Variants in TUT7 observed in about 807,000 individuals in gnomAD.
The protein encoded by TUT7 is terminal uridylyltransferase 7.
TUT7 carries 33 observed loss-of-function variants against 165.9 expected under a neutral mutation model. That is an observed-to-expected ratio of 0.20 (90% confidence interval 0.15 to 0.27). The LOEUF (loss-of-function observed/expected upper bound fraction) is 0.27. TUT7 is among the 10% of genes least tolerant of loss of function. The pLI is 1.00. For missense variants in TUT7, 1,338 were observed against 1,762.3 expected, an observed-to-expected ratio of 0.76 and a Z score of 4.31; for synonymous variants, 552 against 608.1, an observed-to-expected ratio of 0.91 and a Z score of 1.36.
At chr9:86,345,905 T>C (rs1831714428) in intron 3 of TUT7, 120 bp from the exon 4 acceptor site, 6 of 741,772 alleles carry the variant, frequency 8.1e-6, no homozygotes, top group Non-Finnish European at 1.3e-5. Context: ...GACAGGAGTC[T>C]CACTATGTTG....
In TUT7 at chr9:86,323,403, A is replaced by C; in HGVS notation, c.2347T>G (p.Ser783Ala). The change falls in exon 13 of 27, where the codon TCA (serine) becomes GCA (alanine). Residue 783 changes from serine to alanine, a missense_variant. This residue lies in a region of TUT7 where 425 missense variants were observed against 474.9 expected (regional missense o/e 0.89). Transcript: ENST00000375963. ...VVCGSTRNNE[S>A]ESTLDLEGFQ... ...CCTTCTAAATCCAAAGTGCTCTCTG[A>C]CTCATTATTACGTGTGCTGCCACAG... 6.2e-7 allele frequency: 1 copy of C among 1,614,042 alleles called. No homozygotes were observed. The highest frequency in any genetic ancestry group is 8.5e-7 in the Non-Finnish European group (1 of 1,179,992).
intron 7 of TUT7, among the ~76,000 whole-genome samples, chr9:86,340,574 A>T (rs1287722333): frequency 6.6e-6 from 1 of 152,242 alleles, no homozygotes; most frequent in Admixed American, 6.5e-5. Context: ...CAAGCTGGAC[A>T]TTGTATTAGA....
chr9:86,353,789 C>A (rs1490154904), intron 1 of TUT7, among the ~76,000 whole-genome samples: 1 of 152,166 alleles, frequency 6.6e-6, no homozygotes, highest in Non-Finnish European at 1.5e-5. Context: ...GGCTTCCGAC[C>A]AAGGTGCAGC....
chr9:86,291,801 T>C (rs1285691043), intron 26 of TUT7, among the ~76,000 whole-genome samples: 1 of 152,148 alleles, frequency 6.6e-6, no homozygotes, highest in African/African-American at 2.4e-5. Context: ...AGAATCTAAC[T>C]AAAATGCACA....
Position 86,345,736 on chromosome 9 carries a change from A to G in TUT7, c.752T>C (p.Val251Ala), listed in dbSNP as rs755077966. Residue 251 changes from valine to alanine, a missense_variant, in exon 4 of 27, where the codon GTT (valine) becomes GCT (alanine). Physicochemically the swap from Val to Ala is moderately conservative, Grantham distance 64 (BLOSUM62 0). Coordinates refer to ENST00000375963, the MANE Select transcript of TUT7 (RefSeq NM_024617.4). Reference sequence around the variant, plus strand: ...GGCAAATGCAATGGATTCAATTAAAACATCACAGAGTCTGCAGGTGTACTT... The same window carrying G: ...GGCAAATGCAATGGATTCAATTAAAGCATCACAGAGTCTGCAGGTGTACTT... ...TAKYTCRLCD[V>A]LIESIAFAHK... The G allele has an allele frequency of 1.2e-6, 2 of 1,613,742 alleles. No homozygotes were observed.
At chr9:86,317,075 G>A (rs1007523772) in intron 17 of TUT7, 144 bp downstream of exon 17, 1 of 638,686 alleles carries the variant, frequency 1.6e-6, no homozygotes, top group Non-Finnish European at 2.7e-6. Context: ...GAGCATCTAA[G>A]GATTTTTTTT....
At position 86,353,153 on chromosome 9, in the gene TUT7, C is replaced by T. The variant is rs753161080; in HGVS notation, c.47G>A (p.Arg16Gln). ...GAAGTCATCATCATCCATAGTCCCC[C>T]GGTCTTTAGTGCGCTTCACGAAATA... ...KPYFVKRTKD[R>Q]GTMDDDDFRR... Residue 16 changes from arginine (R) to glutamine (Q), a missense_variant, in exon 2 of 27, where the codon CGG becomes CAG. By Grantham distance (43) the Arg-to-Gln change is conservative. Around this residue, in one of 7 missense-constraint regions of TUT7, gnomAD observed 434 missense variants for 480.8 expected, o/e 0.90. Coordinates refer to ENST00000375963, the MANE Select transcript of TUT7 (RefSeq NM_024617.4). The T allele has an allele frequency of 1.6e-5, 26 of 1,606,160 alleles. No homozygotes were observed. Among genetic ancestry groups the T allele is most frequent in the Non-Finnish European group, 2.0e-5 (24 of 1,177,884 alleles).
intron 22 of TUT7, among the ~76,000 whole-genome samples, chr9:86,306,712 A>G (rs1827524941): frequency 6.6e-6 from 1 of 151,988 alleles, no homozygotes; most frequent in African/African-American, 2.4e-5. Context: ...GAGGCTGACA[A>G]CGGGTGAACC....
intron 8 of TUT7, among the ~76,000 whole-genome samples, chr9:86,339,545 G>A (rs573621706): frequency 6.6e-6 from 1 of 152,174 alleles, no homozygotes; most frequent in Non-Finnish European, 1.5e-5. Flanking sequence ...ATGGGAGCAT[G>A]ATTCATCTCT....
intron 15 of TUT7, 30 bp from the exon 16 acceptor site, chr9:86,319,088 A>C: frequency 4.0e-6 from 6 of 1,496,014 alleles, no homozygotes; most frequent in Non-Finnish European, 5.5e-6. Context: ...AGTAATAACT[A>C]ATTACCTGAG....
chr9:86,327,950 A>G (rs1202289201), intron 11 of TUT7, among the ~76,000 whole-genome samples: 1 of 152,082 alleles, frequency 6.6e-6, no homozygotes, highest in Non-Finnish European at 1.5e-5. Context: ...TCCCCTGCCC[A>G]CCCCCAACAG....
chr9:86,346,159 A>G (rs1051715195), intron 3 of TUT7, 140 bp downstream of exon 3: 4 of 729,698 alleles, frequency 5.5e-6, no homozygotes, highest in Non-Finnish European at 8.9e-6. Flanking sequence ...CACACTGGAC[A>G]TCACTTTTAA....
chr9:86,320,986 G>C (rs1829225803), intron 14 of TUT7, among the ~76,000 whole-genome samples: 1 of 152,166 alleles, frequency 6.6e-6, no homozygotes, highest in South Asian at 2.1e-4. Flanking sequence ...TTACACAGCA[G>C]GAAGAATAAC....
intron 9 of TUT7, among the ~76,000 whole-genome samples, chr9:86,337,979 G>A (rs1042466856): frequency 2.0e-5 from 3 of 152,110 alleles, no homozygotes; most frequent in East Asian, 3.9e-4. Context: ...AGAGAACGTG[G>A]ACAAACTCAT....
intron 3 of TUT7, 149 bp downstream of exon 3, chr9:86,346,150 A>T: frequency 1.4e-6 from 1 of 692,170 alleles, no homozygotes. Context: ...CTATTAAATC[A>T]CACTGGACAT....
At chr9:86,345,849 A>C in intron 3 of TUT7, 64 bp from the exon 4 acceptor site, 1 of 1,167,082 alleles carries the variant, frequency 8.6e-7, no homozygotes, top group Non-Finnish European at 1.3e-6. Context: ...AGATAAACAA[A>C]ATCAGCCAGG....
intron 2 of TUT7, 27 bp from the exon 3 acceptor site, chr9:86,346,507 G>A (rs143592844): frequency 1.7e-4 from 271 of 1,605,114 alleles, no homozygotes; most frequent in Non-Finnish European, 2.2e-4. Context: ...AATATTATTG[G>A]CAATATTAAA....
chr9:86,294,055 G>A (rs564397466), intron 26 of TUT7, among the ~76,000 whole-genome samples: 32 of 152,306 alleles, frequency 2.1e-4, no homozygotes, highest in Non-Finnish European at 3.1e-4. Context: ...CGCAAGGATA[G>A]TTTTAAGAGA....
chr9:86,309,959 T>C lies in TUT7; in HGVS notation c.3437A>G (p.Tyr1146Cys). The C allele has an allele frequency of 6.2e-7, 1 of 1,613,962 alleles. No individual in the cohort carries two copies. The highest frequency in any genetic ancestry group is 8.5e-7 in the Non-Finnish European group (1 of 1,179,910). Residue 1146 changes from tyrosine to cysteine, a missense_variant, in exon 19 of 27, where the codon TAT (tyrosine) becomes TGT (cysteine). Around this residue, in one of 7 missense-constraint regions of TUT7, gnomAD observed 157 missense variants for 357.5 expected, o/e 0.44. Transcript: ENST00000375963. The part of the protein sequence containing the change: ...AYSAIDPRVK[Y>C]LCYTMKVFTK... ...AAATACTTTCATGGTATAGCACAAA[T>C]ACTTCACTCTGGGATCAATGGCGGA... is the stretch of plus-strand genomic sequence containing the variant.
Sources: gnomAD v4.1 joint callset for allele counts (sites outside exome capture counted in the v4.1 genomes callset) on GRCh38, gnomAD v4.1.1 for gene constraint, gnomAD v4.1.1 regional missense constraint, MANE v1.5 for transcripts, NCBI Gene and HGNC (gene_info 2026-07-23, HGNC 2026-07-21) for gene names.